NTRK3: variants seen among roughly 807,000 people sequenced by gnomAD.
NTRK3 encodes neurotrophic receptor tyrosine kinase 3.
In NTRK3, 24 loss-of-function variants were observed where a neutral mutation model predicts 91.7. The observed-to-expected ratio is 0.26, with a 90% confidence interval of 0.19 to 0.37. NTRK3 has a LOEUF of 0.37. Ranked by LOEUF, NTRK3 falls within the 10% of genes least tolerant of loss-of-function variation. The probability of loss-of-function intolerance (pLI) is 1.00; values close to 1 mark genes in which losing one functional copy is unlikely to be tolerated. For synonymous variants in NTRK3, 483 were observed against 404.0 expected, an observed-to-expected ratio of 1.20 and a Z score of -2.34; for missense variants, 880 against 1,068.9, an observed-to-expected ratio of 0.82 and a Z score of 2.46.
intron 15 of NTRK3, among the ~76,000 whole-genome samples, chr15:87,936,295 T>A (rs1253032455): frequency 6.6e-6 from 1 of 152,222 alleles, no homozygotes; most frequent in African/African-American, 2.4e-5. Context: ...AGCTAGAATT[T>A]GCCCTTCTTC....
intron 3 of NTRK3, among the ~76,000 whole-genome samples, chr15:88,226,656 C>G (rs2050703833): frequency 6.6e-6 from 1 of 152,254 alleles, no homozygotes. Context: ...GGCCGCACGG[C>G]CCCTATGGCT....
intron 13 of NTRK3, among the ~76,000 whole-genome samples, chr15:88,066,264 C>T (rs909642533): frequency 6.6e-6 from 1 of 152,152 alleles, no homozygotes; most frequent in African/African-American, 2.4e-5. Context: ...GGTAGTTGGC[C>T]ATTAAAGACA....
intron 3 of NTRK3, among the ~76,000 whole-genome samples, chr15:88,192,422 C>T (rs996426665): frequency 3.9e-5 from 6 of 152,138 alleles, no homozygotes; most frequent in African/African-American, 1.4e-4. Flanking sequence ...GGATGGCAAC[C>T]CCAGCTTGCC....
intron 14 of NTRK3, among the ~76,000 whole-genome samples, chr15:87,987,609 A>G (rs2074934354): frequency 6.6e-6 from 1 of 151,672 alleles, no homozygotes; most frequent in African/African-American, 2.4e-5. Context: ...ATTCTTTGTT[A>G]TATATATATG....
Position 88,233,400 on chromosome 15 carries a change from G to A in NTRK3, c.248+22506C>T, listed in dbSNP as rs532715956. On this transcript the variant is annotated intron_variant, in intron 3 of 18. Transcript: ENST00000394480. The surrounding 1 kb of genome is among the most constrained non-coding windows in gnomAD (Gnocchi z 4.2). ...TCCCTCCCTGTGAAGGCAAGGGAAT[G>A]GGCTGCTGCCATACAGCCTGCAGGC... 7.5e-4 allele frequency among the ~76,000 whole-genome samples: 114 copies of A among 152,176 alleles called. 1 individual carries two copies. The highest frequency in any genetic ancestry group is 1.4e-3 in the Non-Finnish European group (94 of 68,006).
intron 13 of NTRK3, among the ~76,000 whole-genome samples, chr15:88,092,043 G>T (rs936959898): frequency 6.6e-6 from 1 of 152,132 alleles, no homozygotes; most frequent in African/African-American, 2.4e-5. Context: ...TCACAACAAG[G>T]CAAATGAGAA....
At position 87,912,934 on chromosome 15, in the gene NTRK3, ATATATATATATATATATATATAT is replaced by A. The variant is rs2067196561; in HGVS notation, c.2133+16234_2133+16256del. On this transcript the variant is annotated intron_variant, in intron 17 of 18. Coordinates refer to ENST00000394480, the Ensembl canonical transcript of NTRK3. ...AACTTTTCAAAAAGTAAAAAAAAAT[ATATATATATATATATATATATAT>A]ATATATATATATATATGCTTCAAGA... Among the ~76,000 whole-genome samples the A allele has an allele frequency of 4.6e-4, 10 of 21,728 alleles. 1 individual carries two copies. The South Asian group carries it at 0.014, about 30-fold the overall frequency. 14.3% of individuals were successfully genotyped at this position (21,728 alleles called of 152,430 possible). A position where few individuals can be genotyped will look rare whatever the true frequency, so the allele number is the denominator to read the frequency against.
rs1294170124 is a variant in NTRK3 at position 88,234,849 on chromosome 15, C to A, written c.248+21057G>T. ...TCTAGTCCCTGCAGACCTCTCCAAC[C>A]TCCCACTCCCACCAGCGCACCCTAC... On this transcript the variant is annotated intron_variant, in intron 3 of 18. Coordinates refer to ENST00000394480, the Ensembl canonical transcript of NTRK3. This position sits in a 1 kb window ranked among gnomAD's most constrained non-coding sequence, Gnocchi z 6.1. Among the ~76,000 whole-genome samples, 1 of 152,168 alleles carries A rather than the reference C, an allele frequency of 6.6e-6. No homozygotes were observed. Among genetic ancestry groups the A allele is most frequent in the African/African-American group, 2.4e-5 (1 of 41,438 alleles).
At chr15:87,970,235 C>T (rs752346546) in intron 14 of NTRK3, among the ~76,000 whole-genome samples, 3 of 152,158 alleles carry the variant, frequency 2.0e-5, no homozygotes, top group Admixed American at 6.5e-5. Flanking sequence ...CCAGCCTGGG[C>T]GGATGGCCAG....
intron 17 of NTRK3, among the ~76,000 whole-genome samples, chr15:87,901,739 A>G (rs1470991550): frequency 1.3e-5 from 2 of 149,890 alleles, no homozygotes; most frequent in East Asian, 3.9e-4. Context: ...TTGAGAAAGG[A>G]AGAAAGGAAG....
At chr15:88,125,970 T>C (rs1372914284) in intron 13 of NTRK3, among the ~76,000 whole-genome samples, 1 of 152,218 alleles carries the variant, frequency 6.6e-6, no homozygotes, top group African/African-American at 2.4e-5. Flanking sequence ...CGTCTTCATT[T>C]GCCCTGAAAT....
rs114546650 is a variant in NTRK3 at position 88,249,183 on chromosome 15, G to A, written c.248+6723C>T. On this transcript the variant is annotated intron_variant, in intron 3 of 18. Coordinates refer to ENST00000394480, the Ensembl canonical transcript of NTRK3. The stretch of plus-strand genomic sequence containing the variant: ...GCCAGGCAGGAGGACTGGGGGCAGA[G>A]GTGAGGCCAGGGGAAAAGGACAGGC... 2.3e-3 allele frequency among the ~76,000 whole-genome samples: 351 copies of A among 152,284 alleles called. 1 individual carries two copies. Among genetic ancestry groups the A allele is most frequent in the African/African-American group, 8.2e-3 (339 of 41,542 alleles).
rs113621009 is a variant in NTRK3 at position 88,254,540 on chromosome 15, G to A, written c.248+1366C>T. Among the ~76,000 whole-genome samples, 1,022 of 152,222 alleles carry A rather than the reference G, an allele frequency of 6.7e-3. 12 individuals are homozygous for A. The highest frequency in any genetic ancestry group is 0.023 in the African/African-American group (965 of 41,530). The stretch of plus-strand genomic sequence containing the variant: ...CCCTCAAACTGTCAGCTGCGAGAGC[G>A]CAAGCAGAAGCTCCATTAAGCCGAG... On this transcript the variant is annotated intron_variant, in intron 3 of 18. Transcript: ENST00000394480.
intron 3 of NTRK3, among the ~76,000 whole-genome samples, chr15:88,185,255 A>G (rs2151628302): frequency 6.6e-6 from 1 of 152,332 alleles, no homozygotes; most frequent in Non-Finnish European, 1.5e-5. Context: ...TATTAACCAG[A>G]GCTTTTTATC....
At chr15:88,223,432 C>A (rs778262236) in intron 3 of NTRK3, among the ~76,000 whole-genome samples, 37 of 152,240 alleles carry the variant, frequency 2.4e-4, no homozygotes, top group Non-Finnish European at 4.8e-4. Context: ...GCGAAGACTG[C>A]ACCAGGGACA....
chr15:88,078,158 C>T (rs2047719930), intron 13 of NTRK3, among the ~76,000 whole-genome samples: 1 of 152,238 alleles, frequency 6.6e-6, no homozygotes, highest in Admixed American at 6.5e-5. Flanking sequence ...CTCTTGACAT[C>T]TCGGCACCTC....
chr15:88,104,450 G>A (rs1285342938), intron 13 of NTRK3, among the ~76,000 whole-genome samples: 1 of 152,122 alleles, frequency 6.6e-6, no homozygotes, highest in Non-Finnish European at 1.5e-5. Context: ...TTGCTGTGTG[G>A]GCTTCCTTAA....
chr15:88,125,241 T>C (rs1054865885), intron 13 of NTRK3, among the ~76,000 whole-genome samples: 1 of 152,238 alleles, frequency 6.6e-6, no homozygotes, highest in Non-Finnish European at 1.5e-5. Context: ...TTCGGTTCCA[T>C]GCGCAAACAC....
intron 17 of NTRK3, among the ~76,000 whole-genome samples, chr15:87,903,749 CAGA>C (rs1437195622): frequency 6.6e-6 from 1 of 152,126 alleles, no homozygotes; most frequent in African/African-American, 2.4e-5. Context: ...TGGTTTTCCC[CAGA>C]AGGCCAGTCT....
Sources: allele counts gnomAD v4.1 joint callset (sites outside exome capture counted in the v4.1 genomes callset), GRCh38; gene constraint gnomAD v4.1.1; non-coding constraint Gnocchi (gnomAD v3.1); transcripts MANE v1.5; gene names NCBI Gene and HGNC (gene_info 2026-07-23, HGNC 2026-07-21).